CLEC6A: variants seen among roughly 807,000 people sequenced by gnomAD.
CLEC6A encodes C-type lectin domain containing 6A.
CLEC6A carries 22 observed loss-of-function variants against 25.7 expected under a neutral mutation model. That is an observed-to-expected ratio of 0.85 (90% CI 0.61 to 1.22). CLEC6A has a LOEUF of 1.22. Among genes scored for constraint, CLEC6A ranks in the 50% most tolerant of loss-of-function variants. The pLI is 0.00. For synonymous variants in CLEC6A, 92 were observed against 76.7 expected (o/e 1.20, Z -1.04); for missense variants, 240 against 236.8 (o/e 1.01, Z -0.09).
intron 1 of CLEC6A, 107 bp downstream of exon 1, chr12:8,456,249 C>T (rs1364745342): frequency 9.4e-7 from 1 of 1,058,772 alleles, no homozygotes; most frequent in Non-Finnish European, 1.5e-6. Context: ...GTGATTGGAC[C>T]AATATAGTAG....
intron 4 of CLEC6A, among the ~76,000 whole-genome samples, chr12:8,475,270 T>C (rs1379159845): frequency 6.6e-6 from 1 of 151,824 alleles, no homozygotes; most frequent in Non-Finnish European, 1.5e-5. Flanking sequence ...TGAAAAACAG[T>C]AGGAAATTAA....
rs2136368664 is a variant in CLEC6A, at chr12:8,477,326, G to A, written c.492G>A (p.Trp164Ter). ...KTPYEKNVRFWHLGEPNHSAE... is the reference protein window; with the variant it reads ...KTPYEKNVRF ...CCTTTTTGTTTTCCTTTAGATTTTG[G>A]CACCTAGGTGAGCCCAATCATTCTG... The change falls in exon 6 of 6, where the codon TGG (tryptophan) becomes TGA (stop). Residue 164 changes from tryptophan (W) to a stop codon, truncating the protein, a stop_gained. Coordinates refer to ENST00000382073, the MANE Select transcript of CLEC6A (RefSeq NM_001007033.2). LOFTEE classifies it low-confidence loss of function (END_TRUNC). The A allele has an allele frequency of 5.0e-6, 8 of 1,602,588 alleles. No homozygotes were observed. Among genetic ancestry groups the A allele is most frequent in the African/African-American group, 2.7e-5 (2 of 74,158 alleles).
At chr12:8,468,213 G>T (rs181088258) in intron 4 of CLEC6A, among the ~76,000 whole-genome samples, 2 of 152,334 alleles carry the variant, frequency 1.3e-5, no homozygotes, top group East Asian at 1.9e-4. Flanking sequence ...AAAGGGCTGG[G>T]ATTACAGGCG....
Position 8,460,748 on chromosome 12 carries a change from G to A in CLEC6A, c.223+1050G>A, listed in dbSNP as rs761433172. 1.0e-5 allele frequency: 15 copies of A among 1,439,988 alleles called. No individual in the cohort carries two copies. In the East Asian group the frequency reaches 3.4e-4, roughly 33 times the overall value. 89.2% of individuals were successfully genotyped at this position (1,439,988 alleles called of 1,614,324 possible). A position where few individuals can be genotyped will look rare whatever the true frequency, so the allele number is the denominator to read the frequency against. ...CTCCACAGGGCTCCCCACCCCACCT[G>A]GCCTGATAAAGCGGGCCGACTGGGC... On this transcript the variant is annotated intron_variant, in intron 3 of 5. Transcript: ENST00000382073.
At chr12:8,461,405 A>G (rs1939751595) in intron 3 of CLEC6A, among the ~76,000 whole-genome samples, 1 of 152,200 alleles carries the variant, frequency 6.6e-6, no homozygotes, top group African/African-American at 2.4e-5. Context: ...TGGAAACAAC[A>G]ATGGGCACCT....
Position 8,469,475 on chromosome 12 carries a change from C to T in CLEC6A, c.369+3846C>T, listed in dbSNP as rs115329988. On this transcript the variant is annotated intron_variant, in intron 4 of 5. Coordinates refer to ENST00000382073, the MANE Select transcript of CLEC6A (RefSeq NM_001007033.2). Reference sequence around the variant, plus strand: ...GGAATCAAAAAAGATGCTGCATAGCCAAAGTAAGACTAAGCAAAAAGAACA... The same window carrying T: ...GGAATCAAAAAAGATGCTGCATAGCTAAAGTAAGACTAAGCAAAAAGAACA... Among the ~76,000 whole-genome samples the T allele has an allele frequency of 9.4e-3, 1,425 of 151,842 alleles. 27 individuals carry two copies. The highest frequency in any genetic ancestry group is 0.033 in the African/African-American group (1,355 of 41,400).
chr12:8,457,870 T>A lies in CLEC6A; in HGVS notation c.32-28T>A, dbSNP rs758390583. The A allele has an allele frequency of 1.9e-6, 3 of 1,575,704 alleles. No individual in the cohort carries two copies. In the Admixed American group the frequency reaches 5.0e-5, roughly 26 times the overall value. ...TTTGGCTCCCTGGCCCCCTGGTAACTGCATTTGTTGTCTTCCTGATTGGAC... is the reference window on the plus strand; with the variant it reads ...TTTGGCTCCCTGGCCCCCTGGTAACAGCATTTGTTGTCTTCCTGATTGGAC... On this transcript the variant is annotated intron_variant, in intron 1 of 5. Coordinates refer to ENST00000382073, the MANE Select transcript of CLEC6A (RefSeq NM_001007033.2).
At chr12:8,465,317 T>A (rs774379067) in intron 3 of CLEC6A, among the ~76,000 whole-genome samples, 167 bp from the exon 4 acceptor site, 12 of 152,028 alleles carry the variant, frequency 7.9e-5, no homozygotes, top group African/African-American at 2.4e-4. Context: ...GAGGACTTAA[T>A]GCTAAAGAAT....
intron 5 of CLEC6A, 104 bp from the exon 6 acceptor site, chr12:8,477,216 T>C: frequency 1.2e-6 from 1 of 834,868 alleles, no homozygotes; most frequent in South Asian, 1.9e-5. Flanking sequence ...ATTGGAATGT[T>C]CTCTCTTCCT....
At chr12:8,457,869 C>T (rs1939698352) in intron 1 of CLEC6A, 29 bp from the exon 2 acceptor site, 1 of 1,571,364 alleles carries the variant, frequency 6.4e-7, no homozygotes, top group African/African-American at 1.3e-5. Context: ...CCCCTGGTAA[C>T]TGCATTTGTT....
intron 3 of CLEC6A, chr12:8,460,854 A>G: frequency 1.1e-6 from 1 of 909,146 alleles, no homozygotes; most frequent in Non-Finnish European, 1.8e-6. Flanking sequence ...CTAAGGGTAC[A>G]ACTTACCGCA....
rs1198308218 is a variant in CLEC6A at position 8,457,909 on chromosome 12, T to G, written c.43T>G (p.Trp15Gly). Residue 15 changes from tryptophan to glycine, a missense_variant, in exon 2 of 6, where the codon TGG becomes GGG. Transcript: ENST00000382073. ...TCCTGATTGGACAGAGAAAAGAGGC[T>G]GGTTGTCCCTGAGACTCTGGTCTGT... ...QQPQSTEKRG[W>G]LSLRLWSVAG... 1 of 1,613,718 alleles carries G rather than the reference T, an allele frequency of 6.2e-7. No homozygotes were observed. The highest frequency in any genetic ancestry group is 8.5e-7 in the Non-Finnish European group (1 of 1,179,718).
Position 8,456,082 on chromosome 12 carries a change from T to C in CLEC6A, c.-30T>C, listed in dbSNP as rs1221965099. ...TAGGGAGAGAGGTACAAAAGGTTCC[T>C]GGACCTTCTCAACACAGGGAGCCTG... On this transcript the variant is annotated 5_prime_UTR_variant, in exon 1 of 6. Transcript: ENST00000382073. 1 of 1,612,862 alleles carries C rather than the reference T, an allele frequency of 6.2e-7. No individual in the cohort carries two copies. The highest frequency in any genetic ancestry group is 8.5e-7 in the Non-Finnish European group (1 of 1,179,170).
At chr12:8,475,962 T>C (rs1430972751) in intron 4 of CLEC6A, among the ~76,000 whole-genome samples, 163 bp from the exon 5 acceptor site, 1 of 152,188 alleles carries the variant, frequency 6.6e-6, no homozygotes, top group Admixed American at 6.6e-5. Context: ...TGTAATGATA[T>C]TGTTACTTTT....
rs1411842967 is a variant in CLEC6A, at chr12:8,456,034, G to A, written c.-78G>A. ...CTGAGCTCTAGCTTCTTTAAATGAAGCTGAGTCTCTGGGCAACATCTTTAG... is the reference window on the plus strand; with the variant it reads ...CTGAGCTCTAGCTTCTTTAAATGAAACTGAGTCTCTGGGCAACATCTTTAG... On this transcript the variant is annotated 5_prime_UTR_variant, in exon 1 of 6. Coordinates refer to ENST00000382073, the MANE Select transcript of CLEC6A (RefSeq NM_001007033.2). 3 of 1,415,236 alleles carry A rather than the reference G, an allele frequency of 2.1e-6. No individual in the cohort carries two copies. The African/African-American group carries it at 4.2e-5, about 20-fold the overall frequency. The allele number at this position is 1,415,236 out of a possible 1,614,324, so 87.7% of individuals were successfully genotyped here.
At position 8,456,031 on chromosome 12, in the gene CLEC6A, G is replaced by C; in HGVS notation, c.-81G>C. 1.0e-5 allele frequency: 14 copies of C among 1,381,362 alleles called. No individual in the cohort carries two copies. The South Asian group carries it at 1.7e-4, about 16-fold the overall frequency. The allele number at this position is 1,381,362 out of a possible 1,614,324, so 85.6% of individuals were successfully genotyped here. A position where few individuals can be genotyped will look rare whatever the true frequency, so the allele number is the denominator to read the frequency against. On this transcript the variant is annotated 5_prime_UTR_variant, in exon 1 of 6. An upstream start codon of the reference 5' UTR is lost. Transcript: ENST00000382073. ...TCCCTGAGCTCTAGCTTCTTTAAAT[G>C]AAGCTGAGTCTCTGGGCAACATCTT...
At position 8,477,519 on chromosome 12, in the gene CLEC6A, C is replaced by A; in HGVS notation, c.*55C>A. ...ATTACTGACGTAATTTTTTCCCTGA[C>A]GTCTTTAAAATTGAACCCTATCATG... On this transcript the variant is annotated 3_prime_UTR_variant, in exon 6 of 6. Coordinates refer to ENST00000382073, the MANE Select transcript of CLEC6A (RefSeq NM_001007033.2). 7.0e-7 allele frequency: 1 copy of A among 1,418,876 alleles called. No homozygotes were observed. The highest frequency in any genetic ancestry group is 9.6e-7 in the Non-Finnish European group (1 of 1,043,786). 87.9% of individuals were successfully genotyped at this position (1,418,876 alleles called of 1,614,324 possible).
chr12:8,456,662 T>C (rs1204971589), intron 1 of CLEC6A, among the ~76,000 whole-genome samples: 2 of 152,214 alleles, frequency 1.3e-5, no homozygotes, highest in Non-Finnish European at 2.9e-5. Context: ...TAGTTGTGCA[T>C]GTTTATGGGC....
intron 3 of CLEC6A, among the ~76,000 whole-genome samples, 156 bp from the exon 4 acceptor site, chr12:8,465,328 G>T (rs187210253): frequency 7.6e-4 from 115 of 151,810 alleles, no homozygotes; most frequent in African/African-American, 2.4e-3. Context: ...GCTAAAGAAT[G>T]TTTATGTGAA....
Sources: allele counts gnomAD v4.1 joint callset (sites outside exome capture counted in the v4.1 genomes callset), GRCh38; gene constraint gnomAD v4.1.1; transcripts MANE v1.5; gene names NCBI Gene and HGNC (gene_info 2026-07-23, HGNC 2026-07-21).